The following SYN1 variants were observed in gnomAD, a reference collection of about 807,000 sequenced individuals.
The protein encoded by SYN1 is synapsin I.
Under a neutral mutation model 44.6 loss-of-function variants are expected in SYN1, and 8 were observed. The observed-to-expected ratio is 0.18, with a 90% CI of 0.11 to 0.32. The LOEUF is 0.32. Among genes scored for constraint, SYN1 ranks in the 10% least tolerant of loss-of-function variants. The probability of loss-of-function intolerance (pLI) is 1.00; values close to 1 mark genes in which losing one functional copy is unlikely to be tolerated. For missense variants in SYN1, 451 were observed against 639.4 expected, an observed-to-expected ratio of 0.71 and a Z score of 3.18; for synonymous variants, 275 against 280.1, an observed-to-expected ratio of 0.98 and a Z score of 0.18.
In SYN1 at chrX:47,584,417, G is replaced by C. The variant is rs778189076; in HGVS notation, c.775-6916C>G. Among the ~76,000 whole-genome samples, 3 of 111,591 alleles carry C rather than the reference G, an allele frequency of 2.7e-5. No individual in the cohort carries two copies. The Admixed American group carries it at 2.8e-4, about 11-fold the overall frequency. ...TTAGCAAGGCTCTCGGCTAAAACTG[G>C]ATTTTACAAGGAAGTGCACAGATGG... On this transcript the variant is annotated intron_variant, in intron 5 of 12. Transcript: ENST00000295987.
At chrX:47,619,304 C>T (rs745771567) in intron 1 of SYN1, 48 bp downstream of exon 1, 2 of 1,196,760 alleles carry the variant, frequency 1.7e-6, no homozygotes, top group Non-Finnish European at 2.2e-6. Context: ...CGCAGAAGAA[C>T]GATCTGGGGA....
At position 47,573,931 on chromosome X, in the gene SYN1, G is replaced by A. The variant is rs1232402671; in HGVS notation, c.1982+71C>T. 10 of 992,190 alleles carry A rather than the reference G, an allele frequency of 1.0e-5. No homozygotes were observed. The Admixed American group carries it at 3.2e-4, about 31-fold the overall frequency. 81.8% of individuals were successfully genotyped at this position (992,190 alleles called of 1,213,427 possible). A position where few individuals can be genotyped will look rare whatever the true frequency, so the allele number is the denominator to read the frequency against. On this transcript the variant is annotated intron_variant, in intron 12 of 12. Coordinates refer to ENST00000295987, the MANE Select transcript of SYN1 (RefSeq NM_006950.3). ...CTGGGTCTGAGGAGCAAGGGAGCTA[G>A]GGCTGCTCTACTGGGGCAGCGGCCC...
chrX:47,607,315 T>C lies in SYN1; in HGVS notation c.378-117A>G, dbSNP rs143796137. On this transcript the variant is annotated intron_variant, in intron 1 of 12. Coordinates refer to ENST00000295987, the MANE Select transcript of SYN1 (RefSeq NM_006950.3). ...ACTAAAGAAACCACAAAGTGCCTTA[T>C]AATTATTGAAATATTTTGAAAAAAT... 375 of 601,245 alleles carry C rather than the reference T, an allele frequency of 6.2e-4. 1 individual carries two copies. The African/African-American group carries it at 8.0e-3, about 13-fold the overall frequency. The allele number at this position is 601,245 out of a possible 1,213,427, so 49.5% of individuals were successfully genotyped here. A position where few individuals can be genotyped will look rare whatever the true frequency, so the allele number is the denominator to read the frequency against.
Position 47,574,302 on chromosome X carries a change from G to A in SYN1, c.1682C>T (p.Pro561Leu). ...SPSPQRQAGP[P>L]QATRQTSVSG... ...GACGGATGTCTGACGGGTAGCCTGT[G>A]GGGGGCCCGCCTGGCGCTGGGGAGA... Residue 561 changes from proline (P) to leucine (L), a missense_variant, in exon 12 of 13, where the codon CCA becomes CTA. This residue lies in a region of SYN1 where 127 missense variants were observed against 154.8 expected (regional missense o/e 0.82). Transcript: ENST00000295987. The A allele has an allele frequency of 9.1e-7, 1 of 1,095,771 alleles. No homozygotes were observed. The highest frequency in any genetic ancestry group is 4.0e-5 in the East Asian group (1 of 25,271). 90.3% of individuals were successfully genotyped at this position (1,095,771 alleles called of 1,213,427 possible). A position where few individuals can be genotyped will look rare whatever the true frequency, so the allele number is the denominator to read the frequency against.
At chrX:47,589,294 CAAAAA>C (rs147024653) in intron 5 of SYN1, among the ~76,000 whole-genome samples, 1 of 59,960 alleles carries the variant, frequency 1.7e-5, no homozygotes, top group Non-Finnish European at 3.0e-5. Context: ...AAGACTGTCT[CAAAAA>C]AAAAAAAAAA....
At chrX:47,607,286 T>C in intron 1 of SYN1, 88 bp from the exon 2 acceptor site, 1 of 863,510 alleles carries the variant, frequency 1.2e-6, no homozygotes, top group Non-Finnish European at 1.7e-6. Context: ...GCCCCTTCAA[T>C]GCTACTAAAG....
chrX:47,618,538 C>T (rs2057937656), intron 1 of SYN1, among the ~76,000 whole-genome samples: 1 of 111,596 alleles, frequency 9.0e-6, no homozygotes, highest in Non-Finnish European at 1.9e-5. Flanking sequence ...TTCAAAACTG[C>T]TCATGGAACT....
At chrX:47,595,074 G>A (rs1234085390) in intron 5 of SYN1, among the ~76,000 whole-genome samples, 1 of 111,436 alleles carries the variant, frequency 9.0e-6, no homozygotes, top group East Asian at 2.8e-4. Context: ...ATGCAATGAA[G>A]TCTCCATGAA....
intron 5 of SYN1, chrX:47,583,327 G>T: frequency 1.0e-6 from 1 of 967,407 alleles, no homozygotes; most frequent in Non-Finnish European, 1.4e-6. Context: ...AGGCTGCCCC[G>T]GGGCAAGATG....
intron 5 of SYN1, among the ~76,000 whole-genome samples, chrX:47,580,644 A>AT (rs1556858155): frequency 9.4e-6 from 1 of 106,937 alleles, no homozygotes; most frequent in Non-Finnish European, 1.9e-5. Flanking sequence ...AAAAAAAAAA[A>AT]GATTTAGAAG....
intron 5 of SYN1, among the ~76,000 whole-genome samples, chrX:47,580,630 T>TA (rs775907262): frequency 0.11 from 8,531 of 81,111 alleles, 393 homozygotes; most frequent in Admixed American, 0.15. Flanking sequence ...AAACTCTGTC[T>TA]AAAAAAAAAA....
In SYN1 at chrX:47,619,416, C is replaced by A. The variant is rs1300008955; in HGVS notation, c.313G>T (p.Gly105Cys). Reference sequence around the variant, plus strand: ...GAGGCGGCTCCCCCGCGGCCTGCGCCCCCAGAGCCGCCGCCCACCTGCTCG... The same window carrying A: ...GAGGCGGCTCCCCCGCGGCCTGCGCACCCAGAGCCGCCGCCCACCTGCTCG... ...FSEQVGGGSG[G>C]AGRGGAASRV... The change falls in exon 1 of 13, where the codon GGC becomes TGC. Residue 105 changes from glycine (G) to cysteine (C), a missense_variant. Around this residue, in one of 3 missense-constraint regions of SYN1, gnomAD observed 315 missense variants for 451.4 expected, o/e 0.70. Coordinates refer to ENST00000295987, the MANE Select transcript of SYN1 (RefSeq NM_006950.3). The A allele has an allele frequency of 8.4e-7, 1 of 1,190,829 alleles. No individual in the cohort carries two copies. The highest frequency in any genetic ancestry group is 1.1e-6 in the Non-Finnish European group (1 of 890,270).
At chrX:47,610,132 T>C (rs1236114394) in intron 1 of SYN1, among the ~76,000 whole-genome samples, 2 of 111,753 alleles carry the variant, frequency 1.8e-5, no homozygotes, top group Non-Finnish European at 3.8e-5. Context: ...CCTCATCTCC[T>C]GCAGTCAGAG....
At chrX:47,579,867 C>G (rs1340926991) in intron 5 of SYN1, among the ~76,000 whole-genome samples, 1 of 98,936 alleles carries the variant, frequency 1.0e-5, no homozygotes, top group Non-Finnish European at 2.1e-5. Flanking sequence ...ACCCTCCCCC[C>G]ACCACCCCGC....
intron 5 of SYN1, chrX:47,585,481 C>A: frequency 8.4e-7 from 1 of 1,192,295 alleles, no homozygotes; most frequent in Non-Finnish European, 1.1e-6. Context: ...GGGCCTTTGG[C>A]AGCTTGGCAG....
rs2057763300 is a variant in SYN1, at chrX:47,572,581, C to T, written c.*283G>A. 3 of 296,019 alleles carry T rather than the reference C, an allele frequency of 1.0e-5. No homozygotes were observed. Among genetic ancestry groups the T allele is most frequent in the Non-Finnish European group, 1.8e-5 (3 of 167,315 alleles). 24.4% of individuals were successfully genotyped at this position (296,019 alleles called of 1,213,427 possible). ...AAACGCCCTCTGGGGAAACCAGGGG[C>T]GGAGGTCTTCAGGAATGTGGAGGTT... On this transcript the variant is annotated 3_prime_UTR_variant, in exon 13 of 13. Coordinates refer to ENST00000295987, the MANE Select transcript of SYN1 (RefSeq NM_006950.3).
chrX:47,583,733 C>T lies in SYN1; in HGVS notation c.775-6232G>A, dbSNP rs370340475. Among the ~76,000 whole-genome samples, 3 of 112,003 alleles carry T rather than the reference C, an allele frequency of 2.7e-5. No homozygotes were observed. In the East Asian group the frequency reaches 8.4e-4, roughly 31 times the overall value. ...CACAGGATCTGCATGCTGGCTGCTC[C>T]CTCTGCCTGGTACACTTTCCCCCCA... On this transcript the variant is annotated intron_variant, in intron 5 of 12. Coordinates refer to ENST00000295987, the MANE Select transcript of SYN1 (RefSeq NM_006950.3).
chrX:47,583,615 C>T, intron 5 of SYN1: 1 of 1,047,251 alleles, frequency 9.5e-7, no homozygotes, highest in Non-Finnish European at 1.3e-6. Flanking sequence ...ATGGCACTTA[C>T]CTCTAGAATG....
chrX:47,584,879 CTTA>C, intron 5 of SYN1: 1 of 1,023,635 alleles, frequency 9.8e-7, no homozygotes, highest in Non-Finnish European at 1.4e-6. Flanking sequence ...TGATGATGAT[CTTA>C]TTTTTATTGG....
Sources: allele counts gnomAD v4.1 joint callset (sites outside exome capture counted in the v4.1 genomes callset), GRCh38; gene constraint gnomAD v4.1.1; regional missense constraint gnomAD v4.1.1; transcripts MANE v1.5; gene names NCBI Gene and HGNC (gene_info 2026-07-23, HGNC 2026-07-21).